The following SPECC1L variants were observed in gnomAD, a reference collection of about 807,000 sequenced individuals.
SPECC1L encodes the protein cytospin-A.
SPECC1L carries 40 observed loss-of-function variants against 116.8 expected under a neutral mutation model. That is an observed-to-expected ratio of 0.34 (90% CI 0.27 to 0.45). The LOEUF (loss-of-function observed/expected upper bound fraction) is 0.45. Ranked by LOEUF, SPECC1L falls within the 20% of genes least tolerant of loss-of-function variation. The pLI, the probability that SPECC1L is intolerant of heterozygous loss-of-function variation, is 1.00. For synonymous variants in SPECC1L, 504 were observed against 500.6 expected (o/e 1.01, Z -0.09); for missense variants, 1,110 against 1,373.6 (o/e 0.81, Z 3.03).
chr22:24,329,479 C>T (rs2040894615), intron 7 of SPECC1L, among the ~76,000 whole-genome samples: 1 of 152,224 alleles, frequency 6.6e-6, no homozygotes, highest in Non-Finnish European at 1.5e-5. Context: ...TCCATCTTGC[C>T]AACAGCAATG....
chr22:24,389,479 T>G (rs1463734012), intron 14 of SPECC1L, among the ~76,000 whole-genome samples: 1 of 151,864 alleles, frequency 6.6e-6, no homozygotes, highest in African/African-American at 2.4e-5. Flanking sequence ...TTGTGACACT[T>G]TTGTCCAGGT....
intron 10 of SPECC1L, among the ~76,000 whole-genome samples, chr22:24,341,744 A>T (rs77974729): frequency 0.034 from 5,136 of 152,300 alleles, 178 homozygotes; most frequent in African/African-American, 0.083. Flanking sequence ...CACTGCTAAA[A>T]TCGTTACAAA....
intron 16 of SPECC1L, 78 bp downstream of exon 16, chr22:24,412,785 C>G (rs1330208455): frequency 1.3e-6 from 2 of 1,507,004 alleles, no homozygotes; most frequent in Non-Finnish European, 9.2e-7. Context: ...TAAGCTGAAT[C>G]CTCGTGGGCA....
At chr22:24,374,515 C>A (rs1370670389) in intron 14 of SPECC1L, among the ~76,000 whole-genome samples, 1 of 150,496 alleles carries the variant, frequency 6.6e-6, no homozygotes, top group East Asian at 2.0e-4. Context: ...AGCAAACTAT[C>A]GCAAGGACAA....
intron 3 of SPECC1L, among the ~76,000 whole-genome samples, chr22:24,311,034 C>T (rs1369281789): frequency 6.6e-6 from 1 of 152,146 alleles, no homozygotes. Context: ...TGTTTTCTCC[C>T]TTGCTGCCTT....
Position 24,365,463 on chromosome 22 carries a change from C to T in SPECC1L, c.2828-13C>T, listed in dbSNP as rs2041741975. ...GTTTTTGCTATAGAGTGCATAATGA[C>T]TATTTCTCACAGTGTCTCGACGAAG... On this transcript the variant is annotated splice_polypyrimidine_tract_variant and intron_variant, in intron 12 of 16. Transcript: ENST00000314328. 4 of 1,613,608 alleles carry T rather than the reference C, an allele frequency of 2.5e-6. No individual in the cohort carries two copies. The highest frequency in any genetic ancestry group is 3.4e-6 in the Non-Finnish European group (4 of 1,179,802).
intron 3 of SPECC1L, among the ~76,000 whole-genome samples, chr22:24,303,386 A>C (rs1210226635): frequency 6.6e-6 from 1 of 152,184 alleles, no homozygotes; most frequent in Non-Finnish European, 1.5e-5. Flanking sequence ...TGGTGCCAGG[A>C]ATAGACCCTT....
chr22:24,332,706 A>AT lies in SPECC1L; in HGVS notation c.2397-1693dup, dbSNP rs74267207. Reference sequence around the variant, plus strand: ...CAAAGCCCTGTTACTCTTCTTACTAATTTTTTTTTTTGGTTTTGGAAAACT... The same window carrying AT: ...CAAAGCCCTGTTACTCTTCTTACTAATTTTTTTTTTTTGGTTTTGGAAAACT... On this transcript the variant is annotated intron_variant, in intron 8 of 16. Transcript: ENST00000314328. Among the ~76,000 whole-genome samples, 1,466 of 147,920 alleles carry AT rather than the reference A, an allele frequency of 9.9e-3. 27 individuals carry two copies. The highest frequency in any genetic ancestry group is 0.033 in the African/African-American group (1,323 of 40,600).
At chr22:24,390,973 T>C (rs2042262052) in intron 14 of SPECC1L, among the ~76,000 whole-genome samples, 1 of 146,324 alleles carries the variant, frequency 6.8e-6, no homozygotes, top group Admixed American at 7.0e-5. Flanking sequence ...CCTCCTGGGT[T>C]CAAGCGATTC....
intron 14 of SPECC1L, among the ~76,000 whole-genome samples, chr22:24,387,920 G>A (rs1160790726): frequency 3.9e-5 from 6 of 152,052 alleles, no homozygotes; most frequent in South Asian, 4.1e-4. Context: ...ATGTTTCATG[G>A]CTTGTAGCCC....
chr22:24,411,830 G>A (rs1015771862), intron 15 of SPECC1L, 126 bp downstream of exon 15: 2 of 788,746 alleles, frequency 2.5e-6, no homozygotes, highest in Non-Finnish European at 2.2e-6. Flanking sequence ...CGTGCCATCT[G>A]GGTCTTCTGG....
chr22:24,413,243 G>A (rs181531631), intron 16 of SPECC1L, among the ~76,000 whole-genome samples: 6 of 152,296 alleles, frequency 3.9e-5, no homozygotes, highest in East Asian at 1.9e-4. Flanking sequence ...GAAACCCGGC[G>A]TGTTCTCAGG....
intron 1 of SPECC1L, among the ~76,000 whole-genome samples, chr22:24,273,523 A>G (rs2048771189): frequency 6.6e-6 from 1 of 152,226 alleles, no homozygotes; most frequent in African/African-American, 2.4e-5. Context: ...TGATTTTTAA[A>G]AATAAAGAGA....
rs200713959 is a variant in SPECC1L at position 24,322,662 on chromosome 22, C to A, written c.1682C>A (p.Thr561Lys). ...EQKGKAALAA[T>K]LEEYKATVAS... ...AAAGGAAAAGCAGCCTTGGCAGCCA[C>A]GTTAGAGGAATACAAAGCCACAGTG... is the stretch of plus-strand genomic sequence containing the variant. Residue 561 changes from threonine (T) to lysine (K), a missense_variant, in exon 5 of 17, where the codon ACG (threonine) becomes AAG (lysine). Physicochemically the swap from Thr to Lys is moderately conservative, Grantham distance 78 (BLOSUM62 -1). Around this residue, in one of 4 missense-constraint regions of SPECC1L, gnomAD observed 575 missense variants for 682.4 expected, o/e 0.84. Coordinates refer to ENST00000314328, the MANE Select transcript of SPECC1L (RefSeq NM_015330.6). The A allele has an allele frequency of 1.2e-6, 2 of 1,612,704 alleles. No homozygotes were observed. Among genetic ancestry groups the A allele is most frequent in the Admixed American group, 3.3e-5 (2 of 59,722 alleles).
chr22:24,381,756 C>T (rs370704812), intron 14 of SPECC1L, among the ~76,000 whole-genome samples: 3 of 151,962 alleles, frequency 2.0e-5, no homozygotes, highest in Non-Finnish European at 2.9e-5. Flanking sequence ...TGGTGGCAGG[C>T]GCCTGTAGTC....
chr22:24,385,783 C>T (rs1296358935), intron 14 of SPECC1L, among the ~76,000 whole-genome samples: 1 of 151,982 alleles, frequency 6.6e-6, no homozygotes, highest in Non-Finnish European at 1.5e-5. Context: ...AACTAAAAGG[C>T]GAAATAGGCA....
intron 11 of SPECC1L, among the ~76,000 whole-genome samples, chr22:24,359,705 A>G (rs530626742): frequency 6.6e-6 from 1 of 152,188 alleles, no homozygotes; most frequent in African/African-American, 2.4e-5. Flanking sequence ...CTCCCACTGA[A>G]CATCACCACA....
intron 2 of SPECC1L, among the ~76,000 whole-genome samples, chr22:24,301,632 CTAATG>C (rs1392420107): frequency 1.3e-5 from 2 of 152,082 alleles, no homozygotes; most frequent in African/African-American, 2.4e-5. Flanking sequence ...TATGGGTACT[CTAATG>C]TATGGTTTCT....
At chr22:24,359,350 C>A (rs528385279) in intron 11 of SPECC1L, among the ~76,000 whole-genome samples, 1 of 152,188 alleles carries the variant, frequency 6.6e-6, no homozygotes, top group Admixed American at 6.5e-5. Context: ...TCAGACTTTT[C>A]TTCTGCACTC....
Sources: gnomAD v4.1 joint callset for allele counts (sites outside exome capture counted in the v4.1 genomes callset) on GRCh38, gnomAD v4.1.1 for gene constraint, gnomAD v4.1.1 regional missense constraint, MANE v1.5 for transcripts, NCBI Gene and HGNC (gene_info 2026-07-23, HGNC 2026-07-21) for gene names.